LSAMP: variants seen among roughly 807,000 people sequenced by gnomAD.
LSAMP encodes the protein limbic system-associated membrane protein.
In LSAMP, 7 loss-of-function variants were observed where a neutral mutation model predicts 38.6. The observed-to-expected ratio is 0.18, with a 90% confidence interval of 0.10 to 0.34. The LOEUF is 0.34. Ranked by LOEUF, LSAMP falls within the 10% of genes least tolerant of loss-of-function variation. The pLI, the probability that LSAMP is intolerant of heterozygous loss-of-function variation, is 1.00. For missense variants in LSAMP, 313 were observed against 420.0 expected (o/e 0.75, Z 2.23); for synonymous variants, 154 against 166.8 (o/e 0.92, Z 0.59).
intron 2 of LSAMP, among the ~76,000 whole-genome samples, chr3:116,044,617 G>A (rs1319961602): frequency 2.4e-4 from 33 of 138,784 alleles, no homozygotes; most frequent in Non-Finnish European, 4.7e-4. Context: ...AAATATAATT[G>A]TATCTAAAAA....
chr3:116,382,227 C>T lies in LSAMP; in HGVS notation c.155+62650G>A, dbSNP rs574155788. ...ACACGTATGTTTTTGTGGAACTATT[C>T]ACAATAGCAAATACTTGGAGCCAAC... On this transcript the variant is annotated intron_variant, in intron 1 of 6. Transcript: ENST00000490035. Among the ~76,000 whole-genome samples the T allele has an allele frequency of 2.6e-5, 4 of 152,096 alleles. No homozygotes were observed. The East Asian group carries it at 7.8e-4, about 29-fold the overall frequency.
intron 1 of LSAMP, among the ~76,000 whole-genome samples, chr3:116,246,371 C>A (rs1395139544): frequency 6.6e-6 from 1 of 152,132 alleles, no homozygotes; most frequent in East Asian, 1.9e-4. Flanking sequence ...ACAATATATT[C>A]TTGACACAAA....
At chr3:115,895,743 T>C (rs1328289457) in intron 3 of LSAMP, among the ~76,000 whole-genome samples, 21 of 152,094 alleles carry the variant, frequency 1.4e-4, no homozygotes. Context: ...TGTAAGACCA[T>C]ATTTATCCAG....
chr3:115,958,408 A>G (rs113623534), intron 3 of LSAMP, among the ~76,000 whole-genome samples: 11,192 of 152,246 alleles, frequency 0.074, 513 homozygotes, highest in Non-Finnish European at 0.099. Flanking sequence ...CTGTGTTTTT[A>G]AGTAGAGGTT....
chr3:116,359,116 T>C (rs1211350420), intron 1 of LSAMP, among the ~76,000 whole-genome samples: 1 of 152,238 alleles, frequency 6.6e-6, no homozygotes, highest in Non-Finnish European at 1.5e-5. Context: ...TAAAATTATT[T>C]ATTAAACTTA....
At chr3:116,150,346 C>G (rs1001217212) in intron 1 of LSAMP, among the ~76,000 whole-genome samples, 1 of 151,990 alleles carries the variant, frequency 6.6e-6, no homozygotes, top group Admixed American at 6.6e-5. Flanking sequence ...TCTCATGGAT[C>G]TTAGCTATTG....
At chr3:115,997,795 T>A (rs1436858144) in intron 3 of LSAMP, among the ~76,000 whole-genome samples, 1 of 143,270 alleles carries the variant, frequency 7.0e-6, no homozygotes, top group Non-Finnish European at 1.5e-5. Context: ...AATATATACA[T>A]GCATACATTT....
intron 6 of LSAMP, among the ~76,000 whole-genome samples, chr3:115,815,807 G>A (rs1933998558): frequency 6.6e-6 from 1 of 152,184 alleles, no homozygotes; most frequent in Non-Finnish European, 1.5e-5. Context: ...AAATGATCCT[G>A]TTTCCAAGTA....
chr3:115,929,315 A>T (rs529041283), intron 3 of LSAMP, among the ~76,000 whole-genome samples: 23 of 152,340 alleles, frequency 1.5e-4, no homozygotes, highest in African/African-American at 4.8e-4. Flanking sequence ...AGAGGCAGGA[A>T]ATGTCTGAAA....
chr3:116,016,280 A>G (rs1940480936), intron 3 of LSAMP, among the ~76,000 whole-genome samples: 1 of 152,188 alleles, frequency 6.6e-6, no homozygotes. Flanking sequence ...GAATATGATT[A>G]TGATCAGTTG....
chr3:116,214,078 T>C (rs2046192720), intron 1 of LSAMP, among the ~76,000 whole-genome samples: 1 of 152,150 alleles, frequency 6.6e-6, no homozygotes, highest in African/African-American at 2.4e-5. Flanking sequence ...AATAAAATGA[T>C]TTTTAAAAAA....
chr3:115,883,500 A>T (rs1465514268), intron 3 of LSAMP, among the ~76,000 whole-genome samples: 1 of 152,048 alleles, frequency 6.6e-6, no homozygotes, highest in Non-Finnish European at 1.5e-5. Context: ...CAGGGTTGGA[A>T]AATACGCAAT....
At chr3:116,387,717 AG>A (rs2048643368) in intron 1 of LSAMP, among the ~76,000 whole-genome samples, 1 of 152,140 alleles carries the variant, frequency 6.6e-6, no homozygotes, top group Middle Eastern at 3.2e-3. Flanking sequence ...AAAATAATAT[AG>A]AAACTGAAAT....
intron 1 of LSAMP, among the ~76,000 whole-genome samples, chr3:116,351,292 C>T (rs2048136208): frequency 6.6e-6 from 1 of 151,990 alleles, no homozygotes. Flanking sequence ...CCACACCCTA[C>T]CTTCCAATGG....
At chr3:116,073,669 T>G (rs1156654095) in intron 2 of LSAMP, among the ~76,000 whole-genome samples, 1 of 152,198 alleles carries the variant, frequency 6.6e-6, no homozygotes, top group African/African-American at 2.4e-5. Context: ...ATATCAATTT[T>G]GTATCCTGAG....
At chr3:116,359,684 G>T (rs2048277284) in intron 1 of LSAMP, among the ~76,000 whole-genome samples, 1 of 152,144 alleles carries the variant, frequency 6.6e-6, no homozygotes, top group Admixed American at 6.5e-5. Flanking sequence ...TTGCTACACA[G>T]ATCTTTGACA....
chr3:116,089,234 T>C (rs1708062396), intron 1 of LSAMP, among the ~76,000 whole-genome samples: 1 of 152,370 alleles, frequency 6.6e-6, no homozygotes, highest in Admixed American at 6.5e-5. Flanking sequence ...TATGTGGAAA[T>C]TTTGTTATGA....
Position 115,802,496 on chromosome 3 carries a change from GAAAA to G in LSAMP, c.*7817_*7820del, listed in dbSNP as rs1933535923. The G allele has an allele frequency of 1.3e-5, 2 of 149,380 alleles. No individual in the cohort carries two copies. The highest frequency in any genetic ancestry group is 5.0e-5 in the African/African-American group (2 of 40,380). The allele number at this position is 149,380 out of a possible 1,614,324, so 9.3% of individuals were successfully genotyped here. A position where few individuals can be genotyped will look rare whatever the true frequency, so the allele number is the denominator to read the frequency against. ...AATTTAAATACATTTAAAAAGAAAA[GAAAA>G]AAAGCTTTTTTTCATTTTAATTTTA... On this transcript the variant is annotated 3_prime_UTR_variant, in exon 7 of 7. Transcript: ENST00000490035.
chr3:116,152,613 C>A (rs200954071), intron 1 of LSAMP, among the ~76,000 whole-genome samples: 1 of 152,052 alleles, frequency 6.6e-6, no homozygotes. Context: ...TAATGAGCAA[C>A]ATCTATGTGC....
Sources: gnomAD v4.1 joint callset for allele counts (sites outside exome capture counted in the v4.1 genomes callset) on GRCh38, gnomAD v4.1.1 for gene constraint, MANE v1.5 for transcripts, NCBI Gene and HGNC (gene_info 2026-07-23, HGNC 2026-07-21) for gene names.